ATP2B2: variants seen among roughly 807,000 people sequenced by gnomAD.
ATP2B2 encodes plasma membrane calcium-transporting ATPase 2.
Under a neutral mutation model 120.0 loss-of-function variants are expected in ATP2B2, and 15 were observed. The observed-to-expected ratio is 0.12, with a 90% CI of 0.08 to 0.19. The LOEUF is 0.19. Among genes scored for constraint, ATP2B2 ranks in the 10% least tolerant of loss-of-function variants. The probability of loss-of-function intolerance (pLI) is 1.00; values close to 1 mark genes in which losing one functional copy is unlikely to be tolerated. For missense variants in ATP2B2, 1,045 were observed against 1,719.8 expected (o/e 0.61, Z 6.94); for synonymous variants, 694 against 700.3 (o/e 0.99, Z 0.14).
intron 1 of ATP2B2, among the ~76,000 whole-genome samples, chr3:10,669,021 C>T (rs1003021849): frequency 6.6e-5 from 10 of 152,188 alleles, no homozygotes; most frequent in African/African-American, 1.9e-4. Flanking sequence ...AACAACTGCT[C>T]TACATTCAGC....
rs117816051 is a variant in ATP2B2 at position 10,679,322 on chromosome 3, T to A, written c.-460+28593A>T. Among the ~76,000 whole-genome samples, 40 of 152,314 alleles carry A rather than the reference T, an allele frequency of 2.6e-4. 1 individual carries two copies. In the East Asian group the frequency reaches 7.7e-3, roughly 29 times the overall value. Reference sequence around the variant, plus strand: ...CCAATACCTTACATCACAGGAATGTTTATGAGAAAATGCATGTGCTGTCTC... The same window carrying A: ...CCAATACCTTACATCACAGGAATGTATATGAGAAAATGCATGTGCTGTCTC... On this transcript the variant is annotated intron_variant, in intron 1 of 21. Transcript: ENST00000646379.
At chr3:10,670,431 G>C (rs1005649268) in intron 1 of ATP2B2, among the ~76,000 whole-genome samples, 3 of 152,122 alleles carry the variant, frequency 2.0e-5, no homozygotes, top group Admixed American at 2.0e-4. Flanking sequence ...TGTTGTTGTT[G>C]TTTTAGACAG....
Position 10,340,768 on chromosome 3 carries a change from T to G in ATP2B2, c.2918-64A>C. The G allele has an allele frequency of 6.5e-7, 1 of 1,530,690 alleles. No individual in the cohort carries two copies. The highest frequency in any genetic ancestry group is 9.0e-7 in the Non-Finnish European group (1 of 1,106,678). The allele number at this position is 1,530,690 out of a possible 1,614,324, so 94.8% of individuals were successfully genotyped here. On this transcript the variant is annotated intron_variant, in intron 19 of 22. Coordinates refer to ENST00000360273, the MANE Select transcript of ATP2B2 (RefSeq NM_001001331.4). This position sits in a 1 kb window ranked among gnomAD's most constrained non-coding sequence, Gnocchi z 5.0. ...GTGGGGGAATCAGAGGGGAGATGCC[T>G]GGCCTTTCGTGGGGGCCTCTTCTGA...
Position 10,620,876 on chromosome 3 carries a change from C to T in ATP2B2, c.-459-915G>A, listed in dbSNP as rs78705691. The stretch of plus-strand genomic sequence containing the variant: ...CAGCAGGCAGGATACCAGTGCTGAG[C>T]AGATCCTGAGGGGCAAATGGCAGGT... On this transcript the variant is annotated intron_variant, in intron 1 of 21. Transcript: ENST00000646379. Among the ~76,000 whole-genome samples the T allele has an allele frequency of 8.4e-3, 1,272 of 152,310 alleles. 16 individuals are homozygous for T. The highest frequency in any genetic ancestry group is 0.054 in the East Asian group (281 of 5,170).
At chr3:10,555,150 A>G (rs1163800254) in intron 2 of ATP2B2, among the ~76,000 whole-genome samples, 1 of 152,240 alleles carries the variant, frequency 6.6e-6, no homozygotes, top group African/African-American at 2.4e-5. Context: ...CACCTTCCAC[A>G]TCAAACGGCA....
intron 22 of ATP2B2, among the ~76,000 whole-genome samples, chr3:10,336,519 G>GGTCC (rs993741972): frequency 8.5e-5 from 13 of 152,222 alleles, no homozygotes; most frequent in African/African-American, 3.1e-4. Context: ...GGACACAGGG[G>GGTCC]GTCCGGCCTT....
At chr3:10,461,054 G>C (rs1184767130) in intron 1 of ATP2B2, among the ~76,000 whole-genome samples, 1 of 152,176 alleles carries the variant, frequency 6.6e-6, no homozygotes, top group Non-Finnish European at 1.5e-5. Flanking sequence ...CCAAGAATGC[G>C]GATGCTAGGA....
At chr3:10,649,660 A>C (rs2070402972) in intron 1 of ATP2B2, among the ~76,000 whole-genome samples, 1 of 152,158 alleles carries the variant, frequency 6.6e-6, no homozygotes, top group Non-Finnish European at 1.5e-5. Context: ...GGATGGATGG[A>C]TGGTGATATG....
Position 10,410,713 on chromosome 3 carries a change from T to G in ATP2B2, c.302A>C (p.Glu101Ala). The G allele has an allele frequency of 5.6e-6, 9 of 1,614,164 alleles. No homozygotes were observed. The highest frequency in any genetic ancestry group is 6.8e-6 in the Non-Finnish European group (8 of 1,180,034). ...KPKTFLQLVW[E>A]ALQDVTLIIL... ...GATGAGCGTCACGTCCTGCAGCGCC[T>G]CCCACACGAGCTGCAGGAAGGTTTT... Residue 101 changes from glutamate (E) to alanine (A), a missense_variant, in exon 3 of 23, where the codon GAG becomes GCG. Transcript: ENST00000360273.
chr3:10,625,601 G>GT (rs2069675596), intron 1 of ATP2B2, among the ~76,000 whole-genome samples: 1 of 152,198 alleles, frequency 6.6e-6, no homozygotes, highest in Non-Finnish European at 1.5e-5. Context: ...GGAGGGGGAG[G>GT]TGTTGAGTTT....
At chr3:10,651,364 T>C (rs1485600451) in intron 1 of ATP2B2, among the ~76,000 whole-genome samples, 1 of 152,164 alleles carries the variant, frequency 6.6e-6, no homozygotes. Flanking sequence ...GTCTTTCCCA[T>C]GCTGTTCTGT....
chr3:10,627,194 A>C (rs2069728158), intron 1 of ATP2B2, among the ~76,000 whole-genome samples: 1 of 152,234 alleles, frequency 6.6e-6, no homozygotes, highest in African/African-American at 2.4e-5. Context: ...TGTCAGATTG[A>C]CTGGGCTTCT....
chr3:10,702,620 C>T (rs2071835243), intron 1 of ATP2B2, among the ~76,000 whole-genome samples: 1 of 152,202 alleles, frequency 6.6e-6, no homozygotes, highest in South Asian at 2.1e-4. Flanking sequence ...CCTGTTCAGC[C>T]TTTCCAGGTT....
At chr3:10,440,094 T>A (rs1448520597) in intron 2 of ATP2B2, among the ~76,000 whole-genome samples, 2 of 101,500 alleles carry the variant, frequency 2.0e-5, no homozygotes, top group African/African-American at 7.8e-5. Context: ...AGAGTGAGAC[T>A]CTATCTAAAA....
At chr3:10,482,019 C>T (rs560885542) in intron 1 of ATP2B2, among the ~76,000 whole-genome samples, 3 of 152,276 alleles carry the variant, frequency 2.0e-5, no homozygotes, top group African/African-American at 7.2e-5. Context: ...GGATGTGGGA[C>T]TTTCAGTGTT....
chr3:10,604,842 T>G (rs1202028121), intron 2 of ATP2B2, among the ~76,000 whole-genome samples: 2 of 152,186 alleles, frequency 1.3e-5, no homozygotes, highest in Non-Finnish European at 2.9e-5. Context: ...GCCTACTTTT[T>G]TCACAGCTCG....
intron 1 of ATP2B2, among the ~76,000 whole-genome samples, chr3:10,469,678 T>A (rs547633608): frequency 1.3e-5 from 2 of 152,350 alleles, no homozygotes; most frequent in Admixed American, 1.3e-4. Context: ...TCTCTGAGCC[T>A]GACCACGTGC....
intron 1 of ATP2B2, among the ~76,000 whole-genome samples, chr3:10,686,043 C>CTTTTTTTTTTT (rs34073958): frequency 1.1e-5 from 1 of 93,224 alleles, no homozygotes; most frequent in Non-Finnish European, 2.1e-5. Context: ...TTCCTCCTTT[C>CTTTTTTTTTTT]TTTTTTTTTT....
chr3:10,629,408 C>T (rs1476217167), intron 1 of ATP2B2, among the ~76,000 whole-genome samples: 6 of 152,220 alleles, frequency 3.9e-5, no homozygotes, highest in South Asian at 2.1e-4. Flanking sequence ...GAGGCAAACT[C>T]GCACATATGG....
Sources: allele counts gnomAD v4.1 joint callset (sites outside exome capture counted in the v4.1 genomes callset), GRCh38; gene constraint gnomAD v4.1.1; non-coding constraint Gnocchi (gnomAD v3.1); transcripts MANE v1.5; gene names NCBI Gene and HGNC (gene_info 2026-07-23, HGNC 2026-07-21).